Variants in GRIK4 observed in about 807,000 individuals in gnomAD.
GRIK4 encodes the protein glutamate ionotropic receptor kainate type subunit 4.
A neutral mutation model predicts 104.9 loss-of-function variants in GRIK4; 40 were observed. The ratio of observed to expected loss-of-function variants is 0.38; its 90% confidence interval spans 0.30 to 0.50. The LOEUF (loss-of-function observed/expected upper bound fraction) is 0.50, where lower values mean the gene tolerates loss of function less well. Among genes scored for constraint, GRIK4 ranks in the 20% least tolerant of loss-of-function variants. GRIK4 has a pLI of 0.93. For missense variants in GRIK4, 1,047 were observed against 1,308.1 expected (o/e 0.80, Z 3.08); for synonymous variants, 485 against 524.9 (o/e 0.92, Z 1.04).
chr11:120,836,702 C>A, intron 7 of GRIK4, 89 bp from the exon 8 acceptor site: 1 of 832,212 alleles, frequency 1.2e-6, no homozygotes. Flanking sequence ...GTGGGCCAGA[C>A]AAATGGTAGA....
chr11:120,849,836 G>A (rs1485460736), intron 8 of GRIK4, among the ~76,000 whole-genome samples: 2 of 152,212 alleles, frequency 1.3e-5, no homozygotes, highest in Non-Finnish European at 2.9e-5. Context: ...TAAAACAGGA[G>A]CATTTATTAG....
chr11:120,941,930 G>A (rs992120439), intron 14 of GRIK4, among the ~76,000 whole-genome samples: 3 of 152,210 alleles, frequency 2.0e-5, no homozygotes, highest in African/African-American at 7.2e-5. Context: ...GATGAATAGA[G>A]CTGTGTCATT....
chr11:120,815,536 G>C (rs1469388462), intron 5 of GRIK4, 61 bp downstream of exon 5: 6 of 975,288 alleles, frequency 6.2e-6, no homozygotes, highest in Non-Finnish European at 7.6e-6. Context: ...AGGGTCCAAA[G>C]ATAGGGTTGA....
intron 1 of GRIK4, among the ~76,000 whole-genome samples, chr11:120,578,940 G>A (rs866859094): frequency 1.3e-5 from 2 of 152,206 alleles, no homozygotes; most frequent in South Asian, 2.1e-4. Flanking sequence ...CAGAAGTTGC[G>A]GGTTAAGTAG....
intron 10 of GRIK4, 42 bp downstream of exon 10, chr11:120,874,260 G>A (rs989601005): frequency 1.9e-6 from 3 of 1,546,136 alleles, no homozygotes; most frequent in Middle Eastern, 1.7e-4. Context: ...GCCCAGGCTA[G>A]TGGGGTGGGA....
intron 3 of GRIK4, among the ~76,000 whole-genome samples, chr11:120,765,162 T>G (rs1951813032): frequency 6.6e-6 from 1 of 152,136 alleles, no homozygotes; most frequent in Admixed American, 6.5e-5. Flanking sequence ...TTCCTTTTCA[T>G]TCTTTTTTTT....
chr11:120,698,063 T>G (rs1340836183), intron 3 of GRIK4, among the ~76,000 whole-genome samples: 15 of 152,090 alleles, frequency 9.9e-5, no homozygotes, highest in Admixed American at 9.8e-4. Context: ...GTGTCCCCCC[T>G]GGCTTTGTGT....
At chr11:120,654,014 G>T (rs553234209) in intron 2 of GRIK4, among the ~76,000 whole-genome samples, 10 of 152,148 alleles carry the variant, frequency 6.6e-5, no homozygotes, top group African/African-American at 2.4e-4. Flanking sequence ...TTTTTGAACT[G>T]TCTGTCTTCC....
intron 11 of GRIK4, among the ~76,000 whole-genome samples, chr11:120,886,795 CTCCTGTTT>C (rs1227311248): frequency 3.3e-5 from 5 of 152,366 alleles, no homozygotes; most frequent in African/African-American, 1.2e-4. Flanking sequence ...TACTCCTGCT[CTCCTGTTT>C]TCTCACAAAG....
At chr11:120,598,639 GAAC>G (rs1948838960) in intron 1 of GRIK4, among the ~76,000 whole-genome samples, 1 of 152,176 alleles carries the variant, frequency 6.6e-6, no homozygotes, top group Non-Finnish European at 1.5e-5. Context: ...GGGGCTGCAG[GAAC>G]TGGGATGGCC....
chr11:120,805,031 A>G (rs1952686945), intron 4 of GRIK4, among the ~76,000 whole-genome samples: 1 of 151,474 alleles, frequency 6.6e-6, no homozygotes, highest in Admixed American at 6.5e-5. Flanking sequence ...GTAAGTGTTT[A>G]GTGAGTGCCT....
intron 9 of GRIK4, among the ~76,000 whole-genome samples, chr11:120,865,257 C>T (rs142374337): frequency 0.01 from 1,550 of 152,304 alleles, 31 homozygotes; most frequent in African/African-American, 0.035. Context: ...ATGCCAGATG[C>T]TGGAATAGGC....
At chr11:120,792,040 G>A (rs1402381258) in intron 3 of GRIK4, among the ~76,000 whole-genome samples, 1 of 152,180 alleles carries the variant, frequency 6.6e-6, no homozygotes. Flanking sequence ...GAAAGTTGAA[G>A]ACTAGATGAA....
chr11:120,657,172 A>AT (rs1336463963), intron 2 of GRIK4, among the ~76,000 whole-genome samples: 1 of 152,240 alleles, frequency 6.6e-6, no homozygotes, highest in African/African-American at 2.4e-5. Flanking sequence ...GCCGTATAAT[A>AT]TACCAGGCAC....
chr11:120,672,144 A>G (rs1313381608), intron 3 of GRIK4, among the ~76,000 whole-genome samples: 1 of 152,120 alleles, frequency 6.6e-6, no homozygotes, highest in African/African-American at 2.4e-5. Flanking sequence ...TAAGCCAGGC[A>G]CAGTGGCTCA....
intron 8 of GRIK4, among the ~76,000 whole-genome samples, chr11:120,849,683 C>T (rs1020752185): frequency 6.6e-6 from 1 of 152,224 alleles, no homozygotes; most frequent in African/African-American, 2.4e-5. Flanking sequence ...GTTCAAGGGT[C>T]TTCACTCAAT....
intron 1 of GRIK4, among the ~76,000 whole-genome samples, chr11:120,562,927 G>T (rs983642349): frequency 2.6e-5 from 4 of 152,218 alleles, no homozygotes; most frequent in Non-Finnish European, 4.4e-5. Context: ...GCAGGGTCCA[G>T]CTGCCTGGTG....
At chr11:120,938,397 A>G (rs921924774) in intron 13 of GRIK4, among the ~76,000 whole-genome samples, 1 of 152,152 alleles carries the variant, frequency 6.6e-6, no homozygotes, top group Non-Finnish European at 1.5e-5. Context: ...CTTCATCTGC[A>G]CCCTAGTTGC....
chr11:120,663,363 G>A (rs75518115), intron 3 of GRIK4, among the ~76,000 whole-genome samples: 7,425 of 152,214 alleles, frequency 0.049, 529 homozygotes, highest in African/African-American at 0.16. Context: ...ACAAGTAGGG[G>A]CCTGGCTGGT....
Sources: allele counts gnomAD v4.1 joint callset (sites outside exome capture counted in the v4.1 genomes callset), GRCh38; gene constraint gnomAD v4.1.1; transcripts MANE v1.5; gene names NCBI Gene and HGNC (gene_info 2026-07-23, HGNC 2026-07-21).